PTPRM: variants seen among roughly 807,000 people sequenced by gnomAD.
PTPRM encodes receptor-type tyrosine-protein phosphatase mu.
A neutral mutation model predicts 186.7 loss-of-function variants in PTPRM; 47 were observed. The observed-to-expected ratio is 0.25, with a 90% CI of 0.20 to 0.32. PTPRM has a LOEUF of 0.32. Ranked by LOEUF, PTPRM falls within the 10% of genes least tolerant of loss-of-function variation. The pLI, the probability that PTPRM is intolerant of heterozygous loss-of-function variation, is 1.00. For synonymous variants in PTPRM, 668 were observed against 674.9 expected (o/e 0.99, Z 0.16); for missense variants, 1,494 against 1,865.0 (o/e 0.80, Z 3.66).
At chr18:8,316,786 C>T (rs1196383751) in intron 21 of PTPRM, among the ~76,000 whole-genome samples, 1 of 152,050 alleles carries the variant, frequency 6.6e-6, no homozygotes, top group Admixed American at 6.5e-5. Flanking sequence ...ACCTGGAGGC[C>T]CTGATGGCAA....
intron 22 of PTPRM, among the ~76,000 whole-genome samples, chr18:8,325,072 G>T (rs2095367588): frequency 6.6e-6 from 1 of 152,160 alleles, no homozygotes; most frequent in South Asian, 2.1e-4. Flanking sequence ...TCCTCCATTG[G>T]CAACTTGTGT....
intron 6 of PTPRM, among the ~76,000 whole-genome samples, chr18:7,954,238 T>C (rs895834562): frequency 2.6e-5 from 4 of 152,190 alleles, no homozygotes; most frequent in Admixed American, 2.0e-4. Flanking sequence ...AGAGGGACTT[T>C]CTTGGGTTGT....
intron 7 of PTPRM, among the ~76,000 whole-genome samples, chr18:8,041,731 C>T (rs979961666): frequency 6.6e-5 from 10 of 152,144 alleles, no homozygotes; most frequent in African/African-American, 2.2e-4. Flanking sequence ...TATTGTGGCA[C>T]CTAGGGTGCA....
At chr18:7,652,701 A>T (rs1006424181) in intron 1 of PTPRM, among the ~76,000 whole-genome samples, 2 of 137,902 alleles carry the variant, frequency 1.5e-5, no homozygotes, top group Admixed American at 1.7e-4. Flanking sequence ...GGAATTGAAC[A>T]GTGAGAACAT....
At position 7,863,835 on chromosome 18, in the gene PTPRM, A is replaced by G. The variant is rs568163746; in HGVS notation, c.197-24271A>G. Among the ~76,000 whole-genome samples the G allele has an allele frequency of 1.5e-4, 23 of 152,204 alleles. No individual in the cohort carries two copies. The South Asian group carries it at 4.8e-3, about 32-fold the overall frequency. On this transcript the variant is annotated intron_variant, in intron 2 of 32. Transcript: ENST00000580170. ...CCACCAACAGTGTAAAAGCATTCCTATTTCTCCACATCCTCTCCAGCATCT... is the reference window on the plus strand; with the variant it reads ...CCACCAACAGTGTAAAAGCATTCCTGTTTCTCCACATCCTCTCCAGCATCT...
chr18:7,596,852 T>G (rs377620037), intron 1 of PTPRM, among the ~76,000 whole-genome samples: 54 of 152,268 alleles, frequency 3.5e-4, no homozygotes, highest in African/African-American at 1.3e-3. Flanking sequence ...TTATCTTTTT[T>G]TTTTCCTTTA....
chr18:8,041,546 AT>A (rs1288724058), intron 7 of PTPRM, among the ~76,000 whole-genome samples: 1 of 152,206 alleles, frequency 6.6e-6, no homozygotes. Flanking sequence ...TGTGTAAGCA[AT>A]GTCCTGCAGT....
intron 9 of PTPRM, among the ~76,000 whole-genome samples, chr18:8,077,552 A>G (rs568141877): frequency 1.8e-4 from 27 of 152,340 alleles, no homozygotes; most frequent in Non-Finnish European, 3.1e-4. Flanking sequence ...GCTTCATTGT[A>G]AAAGAATTGA....
chr18:7,816,171 T>C lies in PTPRM; in HGVS notation c.196+41900T>C, dbSNP rs142992111. On this transcript the variant is annotated intron_variant, in intron 2 of 32. Transcript: ENST00000580170. Reference sequence around the variant, plus strand: ...CAGGACTTGGTAAAGTTAACACATCTGATTATATACAATATTTTCCCCACC... The same window carrying C: ...CAGGACTTGGTAAAGTTAACACATCCGATTATATACAATATTTTCCCCACC... 4.6e-5 allele frequency among the ~76,000 whole-genome samples: 7 copies of C among 152,322 alleles called. No homozygotes were observed. In the East Asian group the frequency reaches 1.4e-3, roughly 29 times the overall value.
chr18:8,260,320 G>A (rs180736271), intron 19 of PTPRM, among the ~76,000 whole-genome samples: 2 of 152,078 alleles, frequency 1.3e-5, no homozygotes, highest in African/African-American at 2.4e-5. Flanking sequence ...GCACCACCAA[G>A]CCCAGCTAAC....
intron 2 of PTPRM, among the ~76,000 whole-genome samples, chr18:7,829,253 C>A (rs1448599666): frequency 5.3e-5 from 8 of 152,128 alleles, no homozygotes; most frequent in Non-Finnish European, 1.2e-4. Context: ...TTTTTGTGCA[C>A]AATATTTTCA....
chr18:7,698,168 C>G (rs1249939530), intron 1 of PTPRM, among the ~76,000 whole-genome samples: 2 of 152,158 alleles, frequency 1.3e-5, no homozygotes, highest in African/African-American at 4.8e-5. Flanking sequence ...TACTACCAAA[C>G]CCCACATGTG....
chr18:7,625,627 C>G (rs192032917), intron 1 of PTPRM, among the ~76,000 whole-genome samples: 2,665 of 152,236 alleles, frequency 0.018, 20 homozygotes, highest in Middle Eastern at 0.034. Context: ...CTCCGCCTCA[C>G]GGGTCCAAGC....
intron 7 of PTPRM, among the ~76,000 whole-genome samples, chr18:7,977,146 A>G (rs1333804258): frequency 2.6e-5 from 4 of 152,004 alleles, no homozygotes; most frequent in African/African-American, 9.7e-5. Flanking sequence ...CTGGAGTGCA[A>G]TGGTGTGATC....
chr18:8,237,610 G>T (rs577062335), intron 14 of PTPRM, among the ~76,000 whole-genome samples: 5 of 151,654 alleles, frequency 3.3e-5, no homozygotes, highest in Non-Finnish European at 5.9e-5. Context: ...CACCATGCCC[G>T]GCTAATTGTA....
chr18:7,663,917 C>T (rs572707935), intron 1 of PTPRM, among the ~76,000 whole-genome samples: 1 of 152,282 alleles, frequency 6.6e-6, no homozygotes, highest in Admixed American at 6.5e-5. Context: ...GGACAGATGA[C>T]TCATGCCTTA....
chr18:8,315,594 A>G (rs974892651), intron 21 of PTPRM, among the ~76,000 whole-genome samples: 4 of 152,180 alleles, frequency 2.6e-5, no homozygotes, highest in Non-Finnish European at 5.9e-5. Flanking sequence ...TATTAAACAG[A>G]TTTCTGCTCC....
chr18:8,003,501 G>T (rs902061613), intron 7 of PTPRM, among the ~76,000 whole-genome samples: 8 of 152,246 alleles, frequency 5.3e-5, no homozygotes, highest in African/African-American at 1.7e-4. Flanking sequence ...TTTAGAAAGA[G>T]AGAGGAAGGT....
At chr18:8,324,867 T>C (rs2095366052) in intron 22 of PTPRM, among the ~76,000 whole-genome samples, 1 of 152,250 alleles carries the variant, frequency 6.6e-6, no homozygotes, top group South Asian at 2.1e-4. Context: ...CACCTCACTA[T>C]ACTGCCTCCC....
Sources: gnomAD v4.1 joint callset for allele counts (sites outside exome capture counted in the v4.1 genomes callset) on GRCh38, gnomAD v4.1.1 for gene constraint, MANE v1.5 for transcripts, NCBI Gene and HGNC (gene_info 2026-07-23, HGNC 2026-07-21) for gene names.